AFG1L: variants seen among roughly 807,000 people sequenced by gnomAD.
AFG1L encodes AFG1-like ATPase.
In AFG1L, 53 loss-of-function variants were observed where a neutral mutation model predicts 62.2. The ratio of observed to expected loss-of-function variants is 0.85; its 90% CI spans 0.68 to 1.07. The LOEUF (loss-of-function observed/expected upper bound fraction) is 1.07, where lower values mean the gene tolerates loss of function less well. Ranked by LOEUF, AFG1L falls within the 50% of genes least tolerant of loss-of-function variation. The pLI is 0.00. For missense variants in AFG1L, 555 were observed against 590.5 expected (o/e 0.94, Z 0.62); for synonymous variants, 228 against 210.3 (o/e 1.08, Z -0.73).
intron 3 of AFG1L, among the ~76,000 whole-genome samples, chr6:108,351,898 C>A (rs758394034): frequency 3.3e-5 from 5 of 152,092 alleles, no homozygotes; most frequent in Non-Finnish European, 5.9e-5. Context: ...CAGTCTTTTA[C>A]CAATAAGCAT....
At chr6:108,297,918 C>G (rs1000626836) in intron 1 of AFG1L, among the ~76,000 whole-genome samples, 3 of 150,360 alleles carry the variant, frequency 2.0e-5, no homozygotes, top group Non-Finnish European at 3.0e-5. Context: ...CCTTGAATAG[C>G]CCATAGTCTT....
At chr6:108,444,626 C>T (rs1394044815) in intron 7 of AFG1L, among the ~76,000 whole-genome samples, 1 of 152,204 alleles carries the variant, frequency 6.6e-6, no homozygotes, top group Non-Finnish European at 1.5e-5. Flanking sequence ...TCTCCTTGTG[C>T]ACTTCCATCA....
At chr6:108,303,867 T>C (rs1034646935) in intron 1 of AFG1L, among the ~76,000 whole-genome samples, 7 of 152,242 alleles carry the variant, frequency 4.6e-5, no homozygotes, top group African/African-American at 1.7e-4. Context: ...CTTAGATGTC[T>C]TTATTAAATA....
chr6:108,366,822 G>T (rs1779782724), intron 6 of AFG1L, among the ~76,000 whole-genome samples: 1 of 152,132 alleles, frequency 6.6e-6, no homozygotes, highest in Non-Finnish European at 1.5e-5. Flanking sequence ...GTAATATTTA[G>T]ATTAAAAACA....
intron 6 of AFG1L, among the ~76,000 whole-genome samples, chr6:108,372,312 T>C (rs1045237224): frequency 3.3e-5 from 5 of 151,776 alleles, no homozygotes; most frequent in African/African-American, 4.8e-5. Context: ...TGAAGGTCAA[T>C]TACCAGAGCC....
chr6:108,515,203 C>T (rs1774829349), intron 11 of AFG1L, among the ~76,000 whole-genome samples: 1 of 152,206 alleles, frequency 6.6e-6, no homozygotes, highest in Non-Finnish European at 1.5e-5. Flanking sequence ...ACATTCTTTT[C>T]AGCACCACAC....
chr6:108,458,656 C>T (rs1228548373), intron 8 of AFG1L, among the ~76,000 whole-genome samples: 2 of 152,038 alleles, frequency 1.3e-5, no homozygotes. Context: ...CTCATGCCTT[C>T]CTCTACCTTA....
At chr6:108,410,231 TG>T (rs1046763106) in intron 7 of AFG1L, among the ~76,000 whole-genome samples, 2 of 151,742 alleles carry the variant, frequency 1.3e-5, no homozygotes, top group Non-Finnish European at 2.9e-5. Context: ...AGCTTGAACC[TG>T]GGGGGCAGAG....
At chr6:108,330,278 C>T (rs183362851) in intron 2 of AFG1L, among the ~76,000 whole-genome samples, 20 of 149,812 alleles carry the variant, frequency 1.3e-4, no homozygotes. Flanking sequence ...CGGGTTCAAG[C>T]GATTCTCTTG....
chr6:108,305,999 G>T (rs1033513449), intron 1 of AFG1L, among the ~76,000 whole-genome samples: 2 of 152,160 alleles, frequency 1.3e-5, no homozygotes, highest in Non-Finnish European at 2.9e-5. Context: ...TACCTCCCGG[G>T]TTCAAGTGAT....
At chr6:108,369,938 G>A (rs1186034481) in intron 6 of AFG1L, among the ~76,000 whole-genome samples, 93 of 134,390 alleles carry the variant, frequency 6.9e-4, no homozygotes, top group East Asian at 3.2e-3. Context: ...CTGGCTGGCT[G>A]GCTGGCTGGC....
intron 8 of AFG1L, among the ~76,000 whole-genome samples, chr6:108,447,614 AT>A (rs1771870745): frequency 6.6e-6 from 1 of 152,310 alleles, no homozygotes; most frequent in Admixed American, 6.5e-5. Context: ...GTAATTAATT[AT>A]TTGTGGATAT....
At chr6:108,478,768 G>T (rs1461179550) in intron 10 of AFG1L, among the ~76,000 whole-genome samples, 8 of 152,264 alleles carry the variant, frequency 5.3e-5, no homozygotes, top group Admixed American at 2.0e-4. Context: ...GGAAGGAAAA[G>T]ATGGTCTCTT....
chr6:108,312,440 G>C (rs545317973), intron 1 of AFG1L, among the ~76,000 whole-genome samples: 2 of 152,224 alleles, frequency 1.3e-5, no homozygotes, highest in South Asian at 4.1e-4. Context: ...CCAGCTACTG[G>C]GGAGACTGAG....
intron 5 of AFG1L, among the ~76,000 whole-genome samples, chr6:108,361,779 C>T (rs552129581): frequency 1.5e-4 from 23 of 152,258 alleles, no homozygotes; most frequent in African/African-American, 5.5e-4. Flanking sequence ...TTAACAAGGC[C>T]CATCTTAACA....
chr6:108,340,595 C>T (rs1439048323), intron 2 of AFG1L, among the ~76,000 whole-genome samples: 3 of 151,992 alleles, frequency 2.0e-5, no homozygotes, highest in Non-Finnish European at 4.4e-5. Flanking sequence ...GAACTCCTGA[C>T]CTCAAGTGAT....
intron 11 of AFG1L, among the ~76,000 whole-genome samples, chr6:108,518,507 G>A (rs900881741): frequency 2.0e-4 from 26 of 132,746 alleles, no homozygotes; most frequent in African/African-American, 6.6e-4. Flanking sequence ...TTGTGGGGTG[G>A]GGGGAGGGGG....
intron 6 of AFG1L, among the ~76,000 whole-genome samples, chr6:108,383,997 T>C (rs772264842): frequency 5.3e-5 from 8 of 150,694 alleles, no homozygotes; most frequent in Non-Finnish European, 1.0e-4. Context: ...ATGATCTTTC[T>C]GCAGGTAATA....
chr6:108,341,932 G>T (rs1417927982), intron 2 of AFG1L, among the ~76,000 whole-genome samples: 2 of 152,052 alleles, frequency 1.3e-5, no homozygotes, highest in African/African-American at 4.8e-5. Flanking sequence ...TGGGAGTCCG[G>T]GATGTATCAG....
Sources: gnomAD v4.1 joint callset for allele counts (sites outside exome capture counted in the v4.1 genomes callset) on GRCh38, gnomAD v4.1.1 for gene constraint, MANE v1.5 for transcripts, NCBI Gene and HGNC (gene_info 2026-07-23, HGNC 2026-07-21) for gene names.